The following RBL2 variants were observed in gnomAD, a reference collection of about 807,000 sequenced individuals.
RBL2 encodes RB transcriptional corepressor like 2.
RBL2 carries 56 observed loss-of-function variants against 126.0 expected under a neutral mutation model. That is an observed-to-expected ratio of 0.44 (90% CI 0.36 to 0.56). The LOEUF (loss-of-function observed/expected upper bound fraction) is 0.56, where lower values mean the gene tolerates loss of function less well. Among genes scored for constraint, RBL2 ranks in the 20% least tolerant of loss-of-function variants. The pLI, the probability that RBL2 is intolerant of heterozygous loss-of-function variation, is 0.00. For synonymous variants in RBL2, 454 were observed against 478.5 expected, an observed-to-expected ratio of 0.95 and a Z score of 0.67; for missense variants, 1,229 against 1,398.2, an observed-to-expected ratio of 0.88 and a Z score of 1.93.
intron 8 of RBL2, among the ~76,000 whole-genome samples, chr16:53,457,257 G>GATTTTT (rs1555566417): frequency 1.4e-5 from 1 of 70,596 alleles, no homozygotes; most frequent in African/African-American, 1.1e-4. Context: ...GGTACAGATA[G>GATTTTT]CTTTTTTTTT....
chr16:53,471,690 A>T (rs577960739), intron 17 of RBL2, among the ~76,000 whole-genome samples: 1 of 152,080 alleles, frequency 6.6e-6, no homozygotes, highest in South Asian at 2.1e-4. Flanking sequence ...GCAGGTCTCA[A>T]ACTCCTGACC....
At chr16:53,457,487 C>CTGACCTCA (rs745816851) in intron 8 of RBL2, among the ~76,000 whole-genome samples, 84 of 151,866 alleles carry the variant, frequency 5.5e-4, no homozygotes, top group Admixed American at 1.2e-3. Context: ...TCTTGAACTC[C>CTGACCTCA]TGACCTCATG....
chr16:53,436,730 A>G (rs2057962022), intron 1 of RBL2, among the ~76,000 whole-genome samples: 1 of 152,222 alleles, frequency 6.6e-6, no homozygotes, highest in Admixed American at 6.5e-5. Context: ...CAGCCAAGAA[A>G]ATGCAGCCTC....
intron 12 of RBL2, among the ~76,000 whole-genome samples, chr16:53,465,149 T>G (rs563675073): frequency 1.3e-5 from 2 of 152,328 alleles, no homozygotes; most frequent in African/African-American, 4.8e-5. Flanking sequence ...CTAATTTTTA[T>G]AGTGGCATAG....
rs1480021772 is a variant in RBL2 at position 53,453,314 on chromosome 16, T to C, written c.767-138T>C. 8 of 636,852 alleles carry C rather than the reference T, an allele frequency of 1.3e-5. No homozygotes were observed. In the East Asian group the frequency reaches 2.0e-4, roughly 16 times the overall value. The allele number at this position is 636,852 out of a possible 1,614,324, so 39.5% of individuals were successfully genotyped here. A position where few individuals can be genotyped will look rare whatever the true frequency, so the allele number is the denominator to read the frequency against. On this transcript the variant is annotated intron_variant, in intron 5 of 21. Transcript: ENST00000262133. ...TTTTGACAAATTCTTAGCGTTGAAA[T>C]AGGCCCATATATACTGTTTCCTATA... is the stretch of plus-strand genomic sequence containing the variant.
chr16:53,476,841 T>C (rs1167539449), intron 17 of RBL2, among the ~76,000 whole-genome samples: 1 of 152,218 alleles, frequency 6.6e-6, no homozygotes, highest in Non-Finnish European at 1.5e-5. Context: ...CATCCTTTCA[T>C]TTTCGAATGT....
At position 53,451,758 on chromosome 16, in the gene RBL2, T is replaced by C; in HGVS notation, c.693T>C (p.Cys231=). 6.2e-7 allele frequency: 1 copy of C among 1,613,590 alleles called. No homozygotes were observed. Among genetic ancestry groups the C allele is most frequent in the South Asian group, 1.1e-5 (1 of 91,080 alleles). The part of the protein sequence containing the change: ...DLVNSYHLLL[C]ALDLVYGNAL... ...TCAATTCTTATCACCTGCTGCTGTG[T>C]GCTTTGGACTTAGTTTATGGAAATG... The change falls in exon 5 of 22, where the codon TGT becomes TGC. Residue 231 remains cysteine (C), a synonymous_variant. Coordinates refer to ENST00000262133, the MANE Select transcript of RBL2 (RefSeq NM_005611.4).
Position 53,470,781 on chromosome 16 carries a change from C to G in RBL2, c.2562C>G (p.Leu854=). 2 of 1,614,178 alleles carry G rather than the reference C, an allele frequency of 1.2e-6. No individual in the cohort carries two copies. Among genetic ancestry groups the G allele is most frequent in the Non-Finnish European group, 1.7e-6 (2 of 1,180,024 alleles). The change falls in exon 17 of 22, where the codon CTC becomes CTG. Residue 854 remains leucine, a synonymous_variant. Coordinates refer to ENST00000262133, the MANE Select transcript of RBL2 (RefSeq NM_005611.4). ...TAGCAGCTGTCCGCCTTCGGGATCTCTGTGCCAAACTAGATATTTCAGATG... is the reference window on the plus strand; with the variant it reads ...TAGCAGCTGTCCGCCTTCGGGATCTGTGTGCCAAACTAGATATTTCAGATG... ...YHLAAVRLRD[L]CAKLDISDEL... is the part of the protein sequence containing the mutation.
chr16:53,470,295 G>C, intron 15 of RBL2, 88 bp from the exon 16 acceptor site: 1 of 1,562,846 alleles, frequency 6.4e-7, no homozygotes, highest in Non-Finnish European at 8.7e-7. Flanking sequence ...TGGGGAGAGA[G>C]GGTTTGGGAG....
At chr16:53,448,453 G>A (rs7204758) in intron 4 of RBL2, among the ~76,000 whole-genome samples, 71,353 of 151,586 alleles carry the variant, frequency 0.47, 17,365 homozygotes, top group Middle Eastern at 0.61. Context: ...CATCGCACCC[G>A]GCCTAGCTTA....
intron 21 of RBL2, among the ~76,000 whole-genome samples, chr16:53,483,656 C>T (rs926268373): frequency 2.0e-5 from 3 of 152,066 alleles, no homozygotes; most frequent in Admixed American, 1.3e-4. Context: ...TTTGGGAGGC[C>T]GAGATGGGTG....
chr16:53,465,517 T>C lies in RBL2; in HGVS notation c.1778T>C (p.Ile593Thr), dbSNP rs749917843. Residue 593 changes from isoleucine (I) to threonine (T), a missense_variant, in exon 13 of 22, where the codon ATC (isoleucine) becomes ACC (threonine). By Grantham distance (89) the Ile-to-Thr change is moderately conservative. Transcript: ENST00000262133. Reference protein sequence around the residue: ...VKHLNQIEEQILDHLAWKPES... With the variant: ...VKHLNQIEEQTLDHLAWKPES... ...CACCTTAATCAGATTGAAGAACAGA[T>C]CTTAGATCATTTGGCATGGAAACCA... 3 of 1,607,304 alleles carry C rather than the reference T, an allele frequency of 1.9e-6. No individual in the cohort carries two copies. Among genetic ancestry groups the C allele is most frequent in the Non-Finnish European group, 2.5e-6 (3 of 1,177,108 alleles).
chr16:53,476,343 A>G (rs1252931670), intron 17 of RBL2, among the ~76,000 whole-genome samples: 2 of 152,212 alleles, frequency 1.3e-5, no homozygotes, highest in African/African-American at 4.8e-5. Flanking sequence ...ATTGTGATTG[A>G]AAACACACTT....
At chr16:53,463,734 A>C (rs954278977) in intron 11 of RBL2, among the ~76,000 whole-genome samples, 3 of 149,746 alleles carry the variant, frequency 2.0e-5, no homozygotes, top group Non-Finnish European at 4.4e-5. Flanking sequence ...CACCTGGCTA[A>C]TTTTCTATTT....
Position 53,452,927 on chromosome 16 carries a change from C to T in RBL2, c.767-525C>T, listed in dbSNP as rs8056857. 6.6e-3 allele frequency among the ~76,000 whole-genome samples: 998 copies of T among 152,242 alleles called. 9 individuals carry two copies. The highest frequency in any genetic ancestry group is 0.022 in the African/African-American group (915 of 41,540). ...TCAAGCGATGTACCCACCTTGGCCT[C>T]CCAAAGTGGATTATAGGAATGGAGC... On this transcript the variant is annotated intron_variant, in intron 5 of 21. Transcript: ENST00000262133.
intron 21 of RBL2, chr16:53,488,170 T>G (rs192444262): frequency 5.9e-5 from 9 of 152,370 alleles, no homozygotes; most frequent in African/African-American, 1.7e-4. Context: ...CTTCAGCTGG[T>G]GAATGCATAT....
chr16:53,446,453 T>G (rs562953377), intron 3 of RBL2, among the ~76,000 whole-genome samples: 110 of 152,274 alleles, frequency 7.2e-4, no homozygotes, highest in African/African-American at 2.6e-3. Flanking sequence ...GACCACAGAT[T>G]TCTTGTCTAA....
At chr16:53,466,577 C>CT (rs1442881574) in intron 13 of RBL2, among the ~76,000 whole-genome samples, 1 of 151,874 alleles carries the variant, frequency 6.6e-6, no homozygotes, top group African/African-American at 2.4e-5. Context: ...AGCATGCAAC[C>CT]TAGATCCCTT....
Position 53,470,388 on chromosome 16 carries a change from G to A in RBL2, c.2251G>A (p.Ala751Thr). ...CTTTTTTTCTCTGTCACTAGGTATTGCCAATGAAAATGGAGGGATAACATT... is the reference window on the plus strand; with the variant it reads ...CTTTTTTTCTCTGTCACTAGGTATTACCAATGAAAATGGAGGGATAACATT... ...QTVTIPVQGIANENGGITFFP... is the reference protein window; with the variant it reads ...QTVTIPVQGITNENGGITFFP... The change falls in exon 16 of 22, where the codon GCC becomes ACC. Residue 751 changes from alanine (A) to threonine (T), a missense_variant. By Grantham distance (58) the Ala-to-Thr change is moderately conservative. This residue lies in a region of RBL2 where 1,070 missense variants were observed against 1,274.3 expected (regional missense o/e 0.84). Transcript: ENST00000262133. 6.2e-7 allele frequency: 1 copy of A among 1,611,050 alleles called. No homozygotes were observed. The highest frequency in any genetic ancestry group is 1.1e-5 in the South Asian group (1 of 91,050).
Sources: allele counts gnomAD v4.1 joint callset (sites outside exome capture counted in the v4.1 genomes callset), GRCh38; gene constraint gnomAD v4.1.1; regional missense constraint gnomAD v4.1.1; transcripts MANE v1.5; gene names NCBI Gene and HGNC (gene_info 2026-07-23, HGNC 2026-07-21).